ADGRL3: variants seen among roughly 807,000 people sequenced by gnomAD.
The protein encoded by ADGRL3 is calcium-independent alpha-latrotoxin receptor 3.
Under a neutral mutation model 153.5 loss-of-function variants are expected in ADGRL3, and 62 were observed. The ratio of observed to expected loss-of-function variants is 0.40; its 90% confidence interval spans 0.33 to 0.50. The LOEUF (loss-of-function observed/expected upper bound fraction) is 0.50, where lower values mean the gene tolerates loss of function less well. ADGRL3 is among the 20% of genes least tolerant of loss of function. ADGRL3 has a pLI of 0.47. For missense variants in ADGRL3, 1,641 were observed against 1,859.4 expected, an observed-to-expected ratio of 0.88 and a Z score of 2.16; for synonymous variants, 710 against 672.5, an observed-to-expected ratio of 1.06 and a Z score of -0.86.
chr4:61,238,438 G>T (rs897767976), intron 1 of ADGRL3, among the ~76,000 whole-genome samples: 1 of 125,000 alleles, frequency 8.0e-6, no homozygotes, highest in Non-Finnish European at 1.8e-5. Context: ...AAATTCTAAT[G>T]TGTGGTGTGT....
intron 1 of ADGRL3, among the ~76,000 whole-genome samples, chr4:61,355,209 G>C (rs1386656092): frequency 1.3e-5 from 2 of 151,998 alleles, no homozygotes; most frequent in Non-Finnish European, 2.9e-5. Context: ...ATGCTGTCAG[G>C]TTCAAGTAAG....
intron 6 of ADGRL3, among the ~76,000 whole-genome samples, chr4:61,690,734 C>T (rs1337416232): frequency 1.3e-5 from 2 of 151,796 alleles, no homozygotes; most frequent in African/African-American, 4.8e-5. Context: ...TCTGATTGCT[C>T]AAGGACCAAA....
chr4:61,744,366 C>A (rs1220142894), intron 8 of ADGRL3, among the ~76,000 whole-genome samples: 1 of 152,202 alleles, frequency 6.6e-6, no homozygotes, highest in Non-Finnish European at 1.5e-5. Flanking sequence ...AGCAGTGGTT[C>A]ACCCAGCACG....
chr4:61,799,161 C>A lies in ADGRL3; in HGVS notation c.1400-14648C>A, dbSNP rs568953326. On this transcript the variant is annotated intron_variant, in intron 8 of 26. Coordinates refer to ENST00000683033, the MANE Select transcript of ADGRL3 (RefSeq NM_001387552.1). ...CCAAGAAGAATTTTGTATGGTGCAT[C>A]CTTTACTATGTTCTTTAGAGGAATG... Among the ~76,000 whole-genome samples the A allele has an allele frequency of 8.8e-4, 133 of 150,944 alleles. No homozygotes were observed. In the South Asian group the frequency reaches 9.8e-3, roughly 11 times the overall value.
intron 4 of ADGRL3, among the ~76,000 whole-genome samples, chr4:61,533,339 C>T (rs922889556): frequency 5.9e-5 from 9 of 152,098 alleles, no homozygotes; most frequent in Admixed American, 1.3e-4. Flanking sequence ...TTCCAAACCA[C>T]GGGAATTAGG....
intron 8 of ADGRL3, among the ~76,000 whole-genome samples, chr4:61,766,826 G>C (rs1416305931): frequency 1.3e-5 from 2 of 151,956 alleles, no homozygotes; most frequent in Non-Finnish European, 2.9e-5. Flanking sequence ...AGGTATTGAG[G>C]ATAGGAGAGT....
chr4:61,796,599 T>G (rs1327663581), intron 8 of ADGRL3, among the ~76,000 whole-genome samples: 1 of 152,222 alleles, frequency 6.6e-6, no homozygotes, highest in Non-Finnish European at 1.5e-5. Flanking sequence ...AAAGACGAGA[T>G]GCCTGTTCTA....
chr4:61,360,372 C>G (rs1279793182), intron 1 of ADGRL3, among the ~76,000 whole-genome samples: 1 of 152,046 alleles, frequency 6.6e-6, no homozygotes, highest in African/African-American at 2.4e-5. Flanking sequence ...TGAGATTATT[C>G]AGTCTTAAGA....
At chr4:61,643,306 C>T (rs1473144183) in intron 5 of ADGRL3, among the ~76,000 whole-genome samples, 1 of 151,844 alleles carries the variant, frequency 6.6e-6, no homozygotes, top group African/African-American at 2.4e-5. Context: ...ATTGCCCTGG[C>T]CAGAACTTCC....
intron 6 of ADGRL3, among the ~76,000 whole-genome samples, chr4:61,712,086 G>T (rs1216497762): frequency 6.6e-6 from 1 of 152,056 alleles, no homozygotes; most frequent in Non-Finnish European, 1.5e-5. Flanking sequence ...GAACAGTATA[G>T]CATCTTGGTT....
At chr4:61,886,129 G>A (rs965623406) in intron 9 of ADGRL3, among the ~76,000 whole-genome samples, 33 of 152,126 alleles carry the variant, frequency 2.2e-4, no homozygotes, top group African/African-American at 7.5e-4. Flanking sequence ...CACTATCTCG[G>A]GAGGCCATGG....
chr4:61,587,204 T>C (rs1223830553), intron 4 of ADGRL3, 23 bp from the exon 5 acceptor site: 1 of 1,556,626 alleles, frequency 6.4e-7, no homozygotes, highest in East Asian at 2.3e-5. Flanking sequence ...TGGCATCTCT[T>C]TTCTTCCTCT....
At chr4:61,931,408 G>A (rs2150104567) in intron 13 of ADGRL3, among the ~76,000 whole-genome samples, 1 of 152,234 alleles carries the variant, frequency 6.6e-6, no homozygotes, top group African/African-American at 2.4e-5. Context: ...GTAAAAACAA[G>A]GTTGCAACTT....
intron 21 of ADGRL3, among the ~76,000 whole-genome samples, chr4:62,001,306 C>T (rs1191931552): frequency 1.3e-5 from 2 of 151,974 alleles, no homozygotes; most frequent in East Asian, 1.9e-4. Flanking sequence ...CAGGAGGATC[C>T]GTTTCCACTG....
intron 6 of ADGRL3, among the ~76,000 whole-genome samples, chr4:61,716,705 C>G (rs929578717): frequency 6.6e-6 from 1 of 151,914 alleles, no homozygotes; most frequent in African/African-American, 2.4e-5. Flanking sequence ...TTCACTAAAC[C>G]GAGGGAGAAG....
At chr4:61,522,847 G>A (rs965417806) in intron 4 of ADGRL3, among the ~76,000 whole-genome samples, 5 of 152,034 alleles carry the variant, frequency 3.3e-5, no homozygotes, top group Non-Finnish European at 7.4e-5. Context: ...TTTACCAGAC[G>A]AACATGCTTG....
chr4:61,231,088 C>T (rs553806759), intron 1 of ADGRL3, among the ~76,000 whole-genome samples: 7 of 152,166 alleles, frequency 4.6e-5, no homozygotes, highest in South Asian at 2.1e-4. Context: ...TAAACTGAGG[C>T]GGAAGTCCAG....
chr4:61,740,452 C>T (rs1420042592), intron 8 of ADGRL3, among the ~76,000 whole-genome samples: 1 of 152,156 alleles, frequency 6.6e-6, no homozygotes, highest in Non-Finnish European at 1.5e-5. Flanking sequence ...TGACTTTCAC[C>T]TTTAACTCTT....
chr4:61,382,124 G>A (rs2096675925), intron 1 of ADGRL3, among the ~76,000 whole-genome samples: 1 of 151,784 alleles, frequency 6.6e-6, no homozygotes, highest in South Asian at 2.1e-4. Context: ...TTTCTGCCCT[G>A]TATCTCATTC....
Sources: gnomAD v4.1 joint callset for allele counts (sites outside exome capture counted in the v4.1 genomes callset) on GRCh38, gnomAD v4.1.1 for gene constraint, MANE v1.5 for transcripts, NCBI Gene and HGNC (gene_info 2026-07-23, HGNC 2026-07-21) for gene names.